The following ALX3 variants were observed in gnomAD, a reference collection of about 807,000 sequenced individuals.
ALX3 encodes the protein ALX homeobox 3, also known as homeobox protein aristaless-like 3.
ALX3 carries 17 observed loss-of-function variants against 26.3 expected under a neutral mutation model. That is an observed-to-expected ratio of 0.65 (90% CI 0.44 to 0.97). ALX3 has a LOEUF of 0.97. ALX3 is among the 50% of genes least tolerant of loss of function. The pLI is 0.00. For synonymous variants in ALX3, 208 were observed against 201.4 expected (o/e 1.03, Z -0.28); for missense variants, 461 against 466.5 (o/e 0.99, Z 0.11).
intron 1 of ALX3, among the ~76,000 whole-genome samples, chr1:110,066,572 T>TCCCCCCCCCCCCCCCCCCCC (rs71580517): frequency 1.4e-5 from 1 of 72,602 alleles, no homozygotes; most frequent in Non-Finnish European, 2.6e-5. Flanking sequence ...GAATGGGACA[T>TCCCCCCCCCCCCCCCCCCCC]CCCCCCCCCC....
chr1:110,068,168 C>G (rs1469798173), intron 1 of ALX3, among the ~76,000 whole-genome samples: 1 of 152,242 alleles, frequency 6.6e-6, no homozygotes, highest in South Asian at 2.1e-4. Context: ...GCGCCAGGCT[C>G]TGGGGCGCGC....
rs1653642228 is a variant in ALX3 at position 110,061,457 on chromosome 1, G to A, written c.701C>T (p.Pro234Leu). ...TACCTGAGGGTGGCTGTCAGTACGG[G>A]GCAGCACAGAGATGTCATAGGCAGC... ...FTAAYDISVL[P>L]RTDSHPQLQN... Residue 234 changes from proline to leucine, a missense_variant, in exon 3 of 4, where the codon CCC (proline) becomes CTC (leucine). Physicochemically the swap from Pro to Leu is moderately conservative, Grantham distance 98. Transcript: ENST00000647563. 1 of 1,614,220 alleles carries A rather than the reference G, an allele frequency of 6.2e-7. No homozygotes were observed. The highest frequency in any genetic ancestry group is 8.5e-7 in the Non-Finnish European group (1 of 1,180,042).
intron 2 of ALX3, chr1:110,061,913 G>A: frequency 3.6e-6 from 1 of 277,986 alleles, no homozygotes; most frequent in Admixed American, 4.8e-5. Flanking sequence ...TACATGTGTT[G>A]GGTTTCTAGT....
intron 1 of ALX3, 88 bp downstream of exon 1, chr1:110,070,248 A>G: frequency 2.4e-6 from 3 of 1,241,820 alleles, no homozygotes; most frequent in Non-Finnish European, 3.0e-6. Context: ...GGCGAGCGGG[A>G]GAGATAAGCA....
intron 1 of ALX3, among the ~76,000 whole-genome samples, chr1:110,069,361 C>T (rs1653865288): frequency 1.3e-5 from 2 of 152,150 alleles, no homozygotes; most frequent in African/African-American, 4.8e-5. Context: ...TTGGAGGATC[C>T]AGTTCTGGGC....
intron 1 of ALX3, among the ~76,000 whole-genome samples, chr1:110,066,572 T>TTCC (rs1553196608): frequency 5.5e-5 from 4 of 72,588 alleles, no homozygotes; most frequent in Non-Finnish European, 7.8e-5. Flanking sequence ...GAATGGGACA[T>TTCC]CCCCCCCCCC....
In ALX3 at chr1:110,070,513, C is replaced by T. The variant is rs1653893545; in HGVS notation, c.100G>A (p.Ala34Thr). The T allele has an allele frequency of 1.6e-6, 2 of 1,282,236 alleles. No homozygotes were observed. The highest frequency in any genetic ancestry group is 2.0e-6 in the Non-Finnish European group (2 of 1,015,532). The allele number at this position is 1,282,236 out of a possible 1,614,324, so 79.4% of individuals were successfully genotyped here. Residue 34 changes from alanine (A) to threonine (T), a missense_variant, in exon 1 of 4, where the codon GCT (alanine) becomes ACT (threonine). Physicochemically the swap from Ala to Thr is moderately conservative, Grantham distance 58. Coordinates refer to ENST00000647563, the MANE Select transcript of ALX3 (RefSeq NM_006492.3). ...GGCGCGGGGTGCAGGTGAGGCGCAG[C>T]GGCGGGGGTTCCCTGCGGGCCCGGA... ...EPPGPQGTPA[A>T]APHLHPAPPR...
intron 1 of ALX3, among the ~76,000 whole-genome samples, chr1:110,065,681 T>C (rs1463446292): frequency 2.0e-5 from 3 of 152,136 alleles, no homozygotes; most frequent in Non-Finnish European, 4.4e-5. Flanking sequence ...ATCATTCCCA[T>C]CATTGACCAC....
In ALX3 at chr1:110,061,458, G is replaced by A; in HGVS notation, c.700C>T (p.Pro234Ser). The A allele has an allele frequency of 6.2e-7, 1 of 1,614,214 alleles. No individual in the cohort carries two copies. The highest frequency in any genetic ancestry group is 8.5e-7 in the Non-Finnish European group (1 of 1,180,038). The change falls in exon 3 of 4, where the codon CCC becomes TCC. Residue 234 changes from proline to serine, a missense_variant. This residue lies in a region of ALX3 where 169 missense variants were observed against 178.0 expected (regional missense o/e 0.95). Coordinates refer to ENST00000647563, the MANE Select transcript of ALX3 (RefSeq NM_006492.3). ...FTAAYDISVL[P>S]RTDSHPQLQN... ...ACCTGAGGGTGGCTGTCAGTACGGG[G>A]CAGCACAGAGATGTCATAGGCAGCC...
rs1653586937 is a variant in ALX3, at chr1:110,059,937, T to G, written c.*796A>C. On this transcript the variant is annotated 3_prime_UTR_variant, in exon 4 of 4. Coordinates refer to ENST00000647563, the MANE Select transcript of ALX3 (RefSeq NM_006492.3). ...TTTTTTTCTCTCTCTCTCCTTTTTT[T>G]TTTTTTTAAACAAAAAAAACACAAA... The G allele has an allele frequency of 6.6e-6, 1 of 151,944 alleles. No individual in the cohort carries two copies. The highest frequency in any genetic ancestry group is 3.4e-3 in the Middle Eastern group (1 of 292). The allele number at this position is 151,944 out of a possible 1,614,324, so 9.4% of individuals were successfully genotyped here.
At position 110,070,469 on chromosome 1, in the gene ALX3, C is replaced by G; in HGVS notation, c.144G>C (p.Leu48=). Residue 48 remains leucine, a synonymous_variant, in exon 1 of 4, where the codon CTG becomes CTC. Coordinates refer to ENST00000647563, the MANE Select transcript of ALX3 (RefSeq NM_006492.3). ...GGGGCCCGCAGGCCGGAAAGCGGGT[C>G]AGCCGCGGGCCGCGGGGCGGCGCGG... ...LHPAPPRGPR[L]TRFPACGPLE... 3 of 1,257,070 alleles carry G rather than the reference C, an allele frequency of 2.4e-6. No homozygotes were observed. Among genetic ancestry groups the G allele is most frequent in the Non-Finnish European group, 3.0e-6 (3 of 1,001,264 alleles). 77.9% of individuals were successfully genotyped at this position (1,257,070 alleles called of 1,614,324 possible). A position where few individuals can be genotyped will look rare whatever the true frequency, so the allele number is the denominator to read the frequency against.
intron 1 of ALX3, among the ~76,000 whole-genome samples, chr1:110,069,262 C>T (rs1356703390): frequency 7.9e-5 from 12 of 152,272 alleles, no homozygotes; most frequent in African/African-American, 2.7e-4. Context: ...TTCCCACCGC[C>T]CCGGCTGGGC....
chr1:110,070,257 C>T, intron 1 of ALX3, 79 bp downstream of exon 1: 1 of 1,264,376 alleles, frequency 7.9e-7, no homozygotes, highest in Non-Finnish European at 1.0e-6. Context: ...GAGAGATAAG[C>T]AGGAAGGCCC....
At chr1:110,069,377 C>T (rs1653865596) in intron 1 of ALX3, among the ~76,000 whole-genome samples, 1 of 152,190 alleles carries the variant, frequency 6.6e-6, no homozygotes, top group Admixed American at 6.5e-5. Context: ...TGGGCCTAGG[C>T]TGCGGGATAT....
At chr1:110,063,045 G>T (rs1570937200) in intron 2 of ALX3, among the ~76,000 whole-genome samples, 1 of 152,254 alleles carries the variant, frequency 6.6e-6, no homozygotes, top group East Asian at 1.9e-4. Flanking sequence ...GTATGGGTGG[G>T]TTTCACACCC....
At chr1:110,062,890 C>T (rs1342995818) in intron 2 of ALX3, among the ~76,000 whole-genome samples, 1 of 152,206 alleles carries the variant, frequency 6.6e-6, no homozygotes, top group Non-Finnish European at 1.5e-5. Context: ...GAGCTTACAG[C>T]CAGTGAATCT....
At chr1:110,061,214 C>A in intron 3 of ALX3, 173 bp from the exon 4 acceptor site, 1 of 1,004,892 alleles carries the variant, frequency 1.0e-6, no homozygotes, top group Non-Finnish European at 1.5e-6. Flanking sequence ...CAGGAGGCCC[C>A]TGCCACTGTT....
rs1443298633 is a variant in ALX3 at position 110,060,832 on chromosome 1, G to T, written c.933C>A (p.Ser311Arg). 5 of 1,613,976 alleles carry T rather than the reference G, an allele frequency of 3.1e-6. No homozygotes were observed. The highest frequency in any genetic ancestry group is 4.2e-6 in the Non-Finnish European group (5 of 1,180,030). Residue 311 changes from serine to arginine, a missense_variant, in exon 4 of 4, where the codon AGC (serine) becomes AGA (arginine). By Grantham distance (110) the Ser-to-Arg change is moderately radical. Around this residue, in one of 3 missense-constraint regions of ALX3, gnomAD observed 169 missense variants for 178.0 expected, o/e 0.95. Coordinates refer to ENST00000647563, the MANE Select transcript of ALX3 (RefSeq NM_006492.3). The part of the protein sequence containing the change: ...HGFPPTLGGH[S>R]FEPSSDGDYK... The stretch of plus-strand genomic sequence containing the variant: ...AGTCACCATCTGAGGAAGGCTCAAA[G>T]CTGTGGCCCCCCAGGGTGGGGGGAA...
At chr1:110,065,751 A>G (rs1653765290) in intron 1 of ALX3, among the ~76,000 whole-genome samples, 1 of 152,182 alleles carries the variant, frequency 6.6e-6, no homozygotes, top group African/African-American at 2.4e-5. Context: ...ACAGGCAGGG[A>G]AGGACTTGAT....
Sources: allele counts gnomAD v4.1 joint callset (sites outside exome capture counted in the v4.1 genomes callset), GRCh38; gene constraint gnomAD v4.1.1; regional missense constraint gnomAD v4.1.1; transcripts MANE v1.5; gene names NCBI Gene and HGNC (gene_info 2026-07-23, HGNC 2026-07-21).